The following USP35 variants were observed in gnomAD, a reference collection of about 807,000 sequenced individuals.
The protein encoded by USP35 is ubiquitin specific peptidase 35, also known as ubiquitin carboxyl-terminal hydrolase 35.
A neutral mutation model predicts 83.8 loss-of-function variants in USP35; 69 were observed. The ratio of observed to expected loss-of-function variants is 0.82; its 90% CI spans 0.68 to 1.01. The LOEUF is 1.01. USP35 is among the 50% of genes least tolerant of loss of function. The pLI is 0.00. For missense variants in USP35, 1,503 were observed against 1,362.5 expected (o/e 1.10, Z -1.62); for synonymous variants, 714 against 589.5 (o/e 1.21, Z -3.06).
chr11:78,215,912 G>C (rs936824766), downstream of USP35: 1 of 152,704 alleles, frequency 6.5e-6, no homozygotes, highest in African/African-American at 2.4e-5. Context: ...GGGGCCAGAG[G>C]GAGGATGAGC....
At position 78,213,678 on chromosome 11, in the gene USP35, C is replaced by T. The variant is rs760228885; in HGVS notation, c.2922C>T (p.Ala974=). The change falls in exon 11 of 11, where the codon GCC becomes GCT. Residue 974 remains alanine (A), a synonymous_variant. Transcript: ENST00000529308. The stretch of plus-strand genomic sequence containing the variant: ...AGAAGGAGGCCCGGAGCAGGGCGGC[C>T]TACATCTCTGCACTCCCCACATCTC... The part of the protein sequence containing the change: ...EQEKEARSRA[A]YISALPTSPH... 3 of 1,512,276 alleles carry T rather than the reference C, an allele frequency of 2.0e-6. No individual in the cohort carries two copies. The South Asian group carries it at 4.0e-5, about 20-fold the overall frequency. 93.7% of individuals were successfully genotyped at this position (1,512,276 alleles called of 1,614,324 possible).
chr11:78,220,944 G>A, the USP35 span, among the ~76,000 whole-genome samples: 4 of 152,190 alleles, frequency 2.6e-5, no homozygotes, highest in African/African-American at 7.2e-5. Context: ...GTGGCCTAGA[G>A]TGGGGTAGTC....
chr11:78,232,854 C>T, the USP35 span, among the ~76,000 whole-genome samples: 4 of 152,068 alleles, frequency 2.6e-5, no homozygotes, highest in Non-Finnish European at 5.9e-5. Context: ...TCACTTTATA[C>T]CCCCTACTCA....
chr11:78,212,555 CCTAT>C (rs113093397), intron 10 of USP35, among the ~76,000 whole-genome samples: 29,211 of 151,988 alleles, frequency 0.19, 3,129 homozygotes, highest in East Asian at 0.41. Flanking sequence ...ATTGAGTCTT[CCTAT>C]CTATCTGTGA....
chr11:78,198,747 C>T (rs754793584), intron 3 of USP35: 8 of 966,982 alleles, frequency 8.3e-6, no homozygotes, highest in African/African-American at 1.8e-5. Flanking sequence ...AATCCCGCCT[C>T]TACCACTTCT....
Position 78,196,991 on chromosome 11 carries a change from G to T in USP35, c.673+73G>T. 7.1e-7 allele frequency: 1 copy of T among 1,404,530 alleles called. No homozygotes were observed. The allele number at this position is 1,404,530 out of a possible 1,614,324, so 87.0% of individuals were successfully genotyped here. A position where few individuals can be genotyped will look rare whatever the true frequency, so the allele number is the denominator to read the frequency against. On this transcript the variant is annotated intron_variant, in intron 2 of 10. Coordinates refer to ENST00000529308, the MANE Select transcript of USP35 (RefSeq NM_020798.4). The surrounding 1 kb of genome is among the most constrained non-coding windows in gnomAD (Gnocchi z 4.8). Reference sequence around the variant, plus strand: ...TGGGCGCTTGGGTAGGTGGCTGTACGTGTGGATTTGTGCATGCGGGCGCCC... The same window carrying T: ...TGGGCGCTTGGGTAGGTGGCTGTACTTGTGGATTTGTGCATGCGGGCGCCC...
downstream of USP35, chr11:78,217,300 T>C (rs1455810830): frequency 6.6e-6 from 1 of 152,282 alleles, no homozygotes; most frequent in Non-Finnish European, 1.5e-5. Context: ...TTGATTCTTG[T>C]GTCCTTAGTG....
At chr11:78,212,417 A>G (rs904302013) in intron 10 of USP35, among the ~76,000 whole-genome samples, 3 of 152,058 alleles carry the variant, frequency 2.0e-5, no homozygotes, top group Admixed American at 6.6e-5. Context: ...GGTCTTGGCT[A>G]TATGGACTTT....
intron 10 of USP35, among the ~76,000 whole-genome samples, chr11:78,211,098 G>A (rs866468162): frequency 2.9e-5 from 2 of 67,798 alleles, no homozygotes; most frequent in South Asian, 5.3e-4. Flanking sequence ...GCCCTCCCCC[G>A]CCACCCCCCA....
chr11:78,222,971 A>G, the USP35 span, among the ~76,000 whole-genome samples: 1 of 152,172 alleles, frequency 6.6e-6, no homozygotes, highest in Non-Finnish European at 1.5e-5. Flanking sequence ...GCCACAGTGG[A>G]GGAAGGTAGA....
chr11:78,223,717 C>A, the USP35 span: 1 of 1,503,122 alleles, frequency 6.7e-7, no homozygotes, highest in Non-Finnish European at 9.0e-7. Flanking sequence ...CTGTTACTAG[C>A]AAGAAGAAAC....
chr11:78,226,970 A>G, the USP35 span: 1 of 1,613,724 alleles, frequency 6.2e-7, no homozygotes, highest in South Asian at 1.1e-5. Flanking sequence ...CACAGTGTCC[A>G]TTGCCCTGGG....
In USP35 at chr11:78,196,189, G is replaced by C; in HGVS notation, c.-10-47G>C. ...CTCGGGGACTGCACCGGGAACTCTT[G>C]AGCCCCGCGGTTGTCGGGCTGTGAC... is the stretch of plus-strand genomic sequence containing the variant. On this transcript the variant is annotated intron_variant, in intron 1 of 10. Coordinates refer to ENST00000529308, the MANE Select transcript of USP35 (RefSeq NM_020798.4). The surrounding 1 kb of genome is among the most constrained non-coding windows in gnomAD (Gnocchi z 4.8). The C allele has an allele frequency of 6.5e-7, 1 of 1,529,624 alleles. No homozygotes were observed. The highest frequency in any genetic ancestry group is 1.4e-5 in the African/African-American group (1 of 69,964). The allele number at this position is 1,529,624 out of a possible 1,614,324, so 94.8% of individuals were successfully genotyped here.
chr11:78,207,666 G>A (rs564041228), intron 8 of USP35, 43 bp downstream of exon 8: 72 of 1,591,742 alleles, frequency 4.5e-5, no homozygotes, highest in Non-Finnish European at 6.1e-5. Flanking sequence ...AGGCAGCTCT[G>A]GTCAGGCCCC....
Position 78,209,822 on chromosome 11 carries a change from G to C in USP35, c.1967G>C (p.Ser656Thr). The change falls in exon 10 of 11, where the codon AGC (serine) becomes ACC (threonine). Residue 656 changes from serine to threonine, a missense_variant. Physicochemically the swap from Ser to Thr is moderately conservative, Grantham distance 58. Coordinates refer to ENST00000529308, the MANE Select transcript of USP35 (RefSeq NM_020798.4). The stretch of plus-strand genomic sequence containing the variant: ...ATCACAGAGGACACCCCCCCCACCA[G>C]CCTGTACATCGAAGGCCTGGACTCC... Reference protein sequence around the residue: ...HCITEDTPPTSLYIEGLDSKE... With the variant: ...HCITEDTPPTTLYIEGLDSKE... The C allele has an allele frequency of 7.4e-6, 12 of 1,613,730 alleles. No individual in the cohort carries two copies. The highest frequency in any genetic ancestry group is 2.2e-5 in the East Asian group (1 of 44,856).
Position 78,199,685 on chromosome 11 carries a change from C to G in USP35, c.897C>G (p.Phe299Leu). 6.2e-7 allele frequency: 1 copy of G among 1,614,206 alleles called. No individual in the cohort carries two copies. Among genetic ancestry groups the G allele is most frequent in the Non-Finnish European group, 8.5e-7 (1 of 1,180,036 alleles). ...AGGGCCTGGCTGCTGTTAAGAAGTT[C>G]AGCATCTTGATCGAGGTTTCGCTCA... ...LLKGLAAVKKFSILIEVSLTK... is the reference protein window; with the variant it reads ...LLKGLAAVKKLSILIEVSLTK... Residue 299 changes from phenylalanine to leucine, a missense_variant, in exon 4 of 11, where the codon TTC becomes TTG. Physicochemically the swap from Phe to Leu is conservative, Grantham distance 22. Coordinates refer to ENST00000529308, the MANE Select transcript of USP35 (RefSeq NM_020798.4).
At chr11:78,225,086 C>A in the USP35 span, 10 of 1,540,154 alleles carry the variant, frequency 6.5e-6, 1 homozygote, top group Middle Eastern at 1.7e-4. Context: ...GCCTGAGGAC[C>A]CTTGGGTTAA....
chr11:78,233,578 G>T, the USP35 span, among the ~76,000 whole-genome samples: 1 of 151,996 alleles, frequency 6.6e-6, no homozygotes, highest in Non-Finnish European at 1.5e-5. Flanking sequence ...TTAGATATGC[G>T]CGTTGAATAT....
At position 78,205,858 on chromosome 11, in the gene USP35, A is replaced by G. The variant is rs374864122; in HGVS notation, c.1214A>G (p.Asn405Ser). ...CCTCCTCAGGACCTCCATGTTCCCA[A>G]TGAGGACCGCATCAAGCAGCTGCTG... is the stretch of plus-strand genomic sequence containing the variant. ...MEAIKDLHVP[N>S]EDRIKQLLGQ... Residue 405 changes from asparagine to serine, a missense_variant, in exon 7 of 11, where the codon AAT becomes AGT. Physicochemically the swap from Asn to Ser is conservative, Grantham distance 46. Coordinates refer to ENST00000529308, the MANE Select transcript of USP35 (RefSeq NM_020798.4). The G allele has an allele frequency of 4.3e-5, 70 of 1,613,486 alleles. No individual in the cohort carries two copies. Among genetic ancestry groups the G allele is most frequent in the Middle Eastern group, 3.3e-4 (2 of 6,078 alleles).
Sources: gnomAD v4.1 joint callset for allele counts (sites outside exome capture counted in the v4.1 genomes callset) on GRCh38, gnomAD v4.1.1 for gene constraint, Gnocchi (gnomAD v3.1) non-coding constraint, MANE v1.5 for transcripts, NCBI Gene and HGNC (gene_info 2026-07-23, HGNC 2026-07-21) for gene names.